Variants in CSMD1 observed in about 807,000 individuals in gnomAD.
CSMD1 encodes the protein CUB and sushi domain-containing protein 1.
In CSMD1, 213 loss-of-function variants were observed where a neutral mutation model predicts 417.5. The ratio of observed to expected loss-of-function variants is 0.51; its 90% CI spans 0.46 to 0.57. The LOEUF is 0.57. CSMD1 is among the 20% of genes least tolerant of loss of function. The pLI is 0.00. For synonymous variants in CSMD1, 2,862 were observed against 1,736.8 expected (o/e 1.65, Z -16.11); for missense variants, 6,923 against 4,529.7 (o/e 1.53, Z -15.17).
Position 3,087,177 on chromosome 8 carries a change from A to T in CSMD1, c.7394T>A (p.Met2465Lys). 6.2e-7 allele frequency: 1 copy of T among 1,614,004 alleles called. No individual in the cohort carries two copies. Among genetic ancestry groups the T allele is most frequent in the Non-Finnish European group, 8.5e-7 (1 of 1,179,896 alleles). ...VHYFCKPGYR[M>K]VGHSNATCRR... ...ACAGGTTGCATTGCTGTGGCCGACC[A>T]TTCGGTATCCAGGCTTGCAAAAATA... The change falls in exon 49 of 70, where the codon ATG becomes AAG. Residue 2465 changes from methionine (M) to lysine (K), a missense_variant. Met to Lys is a moderately conservative substitution (Grantham distance 95). Transcript: ENST00000635120.
At chr8:4,498,802 C>G (rs569384275) in intron 2 of CSMD1, among the ~76,000 whole-genome samples, 45 of 151,940 alleles carry the variant, frequency 3.0e-4, no homozygotes, top group Non-Finnish European at 4.4e-4. Flanking sequence ...GAGTTATTAC[C>G]GAGATTCCCC....
chr8:4,132,979 G>C (rs1803201526), intron 3 of CSMD1, among the ~76,000 whole-genome samples: 1 of 152,016 alleles, frequency 6.6e-6, no homozygotes, highest in Non-Finnish European at 1.5e-5. Context: ...TGTTATCCAG[G>C]CTGCAGTGCA....
intron 6 of CSMD1, among the ~76,000 whole-genome samples, chr8:3,731,673 G>A (rs909003564): frequency 1.3e-5 from 2 of 152,148 alleles, no homozygotes; most frequent in Non-Finnish European, 2.9e-5. Flanking sequence ...TGGGAGGTCA[G>A]CAACAATTGA....
At chr8:4,072,728 T>G (rs753374701) in intron 3 of CSMD1, among the ~76,000 whole-genome samples, 1 of 152,332 alleles carries the variant, frequency 6.6e-6, no homozygotes, top group Non-Finnish European at 1.5e-5. Context: ...ATGAACAAAG[T>G]GTTTACAACT....
chr8:4,458,038 A>G (rs183059525), intron 2 of CSMD1, among the ~76,000 whole-genome samples: 1 of 152,086 alleles, frequency 6.6e-6, no homozygotes, highest in African/African-American at 2.4e-5. Context: ...TCTATTCTTT[A>G]AAATTCCTTT....
intron 2 of CSMD1, among the ~76,000 whole-genome samples, chr8:4,446,553 GTT>G (rs1270998644): frequency 2.0e-5 from 3 of 151,422 alleles, no homozygotes; most frequent in Admixed American, 1.3e-4. Flanking sequence ...GTTCTGCTTT[GTT>G]TTGTTTTGTT....
chr8:3,501,078 C>G (rs975739155), intron 10 of CSMD1, among the ~76,000 whole-genome samples: 2 of 151,866 alleles, frequency 1.3e-5, no homozygotes, highest in African/African-American at 4.8e-5. Flanking sequence ...TCCCAAAAAT[C>G]AAAAATAAAA....
At chr8:4,227,942 C>A (rs1368806438) in intron 3 of CSMD1, among the ~76,000 whole-genome samples, 2 of 151,450 alleles carry the variant, frequency 1.3e-5, no homozygotes, top group African/African-American at 2.4e-5. Context: ...GACACACACC[C>A]TCCATCCTGC....
intron 1 of CSMD1, among the ~76,000 whole-genome samples, chr8:4,859,533 A>G (rs1407442373): frequency 6.6e-6 from 1 of 152,224 alleles, no homozygotes; most frequent in East Asian, 1.9e-4. Flanking sequence ...CAATATCCAG[A>G]ATCTACAATG....
chr8:3,126,554 G>C (rs146905956), intron 41 of CSMD1, among the ~76,000 whole-genome samples: 1 of 152,278 alleles, frequency 6.6e-6, no homozygotes, highest in African/African-American at 2.4e-5. Context: ...TGTCAGCCAT[G>C]AATGGTAGTC....
intron 2 of CSMD1, among the ~76,000 whole-genome samples, chr8:4,462,822 T>A (rs1384159494): frequency 1.3e-5 from 2 of 151,960 alleles, no homozygotes; most frequent in Non-Finnish European, 1.5e-5. Context: ...AAAAAATTGA[T>A]AAATCATAGA....
intron 3 of CSMD1, among the ~76,000 whole-genome samples, chr8:4,172,436 A>G (rs923380311): frequency 1.3e-5 from 2 of 152,122 alleles, no homozygotes; most frequent in African/African-American, 2.4e-5. Flanking sequence ...AGCATAGTCT[A>G]GGTTTCCCAG....
At position 3,000,197 on chromosome 8, in the gene CSMD1, A is replaced by C. The variant is rs988947779; in HGVS notation, c.8030-66T>G. 28 of 1,190,560 alleles carry C rather than the reference A, an allele frequency of 2.4e-5. No homozygotes were observed. The African/African-American group carries it at 3.9e-4, about 16-fold the overall frequency. The allele number at this position is 1,190,560 out of a possible 1,614,324, so 73.7% of individuals were successfully genotyped here. ...CATTTATAAAAGTAGTACATTCACA[A>C]CTTTTATTATCAAGTCAATAACAGT... On this transcript the variant is annotated intron_variant, in intron 52 of 69. Coordinates refer to ENST00000635120, the MANE Select transcript of CSMD1 (RefSeq NM_033225.6).
chr8:3,854,151 A>C (rs1047786576), intron 5 of CSMD1, among the ~76,000 whole-genome samples: 41 of 110,554 alleles, frequency 3.7e-4, no homozygotes, highest in Non-Finnish European at 5.5e-4. Context: ...ATTAAAGTAT[A>C]ATAATAATAA....
At chr8:4,628,504 C>A (rs927955534) in intron 2 of CSMD1, among the ~76,000 whole-genome samples, 1 of 150,580 alleles carries the variant, frequency 6.6e-6, no homozygotes, top group African/African-American at 2.4e-5. Context: ...TATACACACA[C>A]ATAAAACTAT....
At chr8:4,566,845 T>G (rs1042414482) in intron 2 of CSMD1, among the ~76,000 whole-genome samples, 1 of 151,688 alleles carries the variant, frequency 6.6e-6, no homozygotes, top group Non-Finnish European at 1.5e-5. Context: ...TATGAAGATA[T>G]AGCTCCATCT....
chr8:3,600,992 T>A (rs1801335286), intron 8 of CSMD1, among the ~76,000 whole-genome samples: 2 of 152,230 alleles, frequency 1.3e-5, no homozygotes, highest in African/African-American at 4.8e-5. Flanking sequence ...AGGGGGTCTC[T>A]GTACTAATCT....
At chr8:2,985,281 G>T (rs757587238) in intron 54 of CSMD1, among the ~76,000 whole-genome samples, 1 of 152,206 alleles carries the variant, frequency 6.6e-6, no homozygotes, top group African/African-American at 2.4e-5. Flanking sequence ...CCTAGTTCAG[G>T]AACACGCAAA....
chr8:4,340,668 A>C (rs1800423138), intron 3 of CSMD1, among the ~76,000 whole-genome samples: 1 of 152,226 alleles, frequency 6.6e-6, no homozygotes, highest in Non-Finnish European at 1.5e-5. Context: ...ATATTAACCT[A>C]GAGAGTAGGC....
Sources: allele counts gnomAD v4.1 joint callset (sites outside exome capture counted in the v4.1 genomes callset), GRCh38; gene constraint gnomAD v4.1.1; transcripts MANE v1.5; gene names NCBI Gene and HGNC (gene_info 2026-07-23, HGNC 2026-07-21).